Variants in ASB1 observed in about 807,000 individuals in gnomAD.
ASB1 encodes ankyrin repeat and SOCS box containing 1, also known as ankyrin repeat and SOCS box protein 1.
A neutral mutation model predicts 27.7 loss-of-function variants in ASB1; 18 were observed. The ratio of observed to expected loss-of-function variants is 0.65; its 90% confidence interval spans 0.45 to 0.96. The LOEUF (loss-of-function observed/expected upper bound fraction) is 0.96, where lower values mean the gene tolerates loss of function less well. Ranked by LOEUF, ASB1 falls within the 50% of genes least tolerant of loss-of-function variation. ASB1 has a pLI of 0.00. For synonymous variants in ASB1, 189 were observed against 187.6 expected (o/e 1.01, Z -0.06); for missense variants, 397 against 451.7 (o/e 0.88, Z 1.10).
chr2:238,433,473 G>A, intron 1 of ASB1, 81 bp from the exon 2 acceptor site: 1 of 1,532,582 alleles, frequency 6.5e-7, no homozygotes, highest in Admixed American at 1.9e-5. Context: ...GAGAGGGAAG[G>A]CTCGCTGCAG....
rs1575009781 is a variant in ASB1, at chr2:238,446,685, C to T, written c.*174C>T. On this transcript the variant is annotated 3_prime_UTR_variant, in exon 5 of 5. Coordinates refer to ENST00000264607, the MANE Select transcript of ASB1 (RefSeq NM_001040445.3). ...CTGGGCCGCTGAACAGTCCTTGGGT[C>T]ATTGTCAGCTGAGAGGCTTATACTA... 5.4e-5 allele frequency: 39 copies of T among 716,378 alleles called. No homozygotes were observed. The East Asian group carries it at 1.1e-3, about 19-fold the overall frequency. The allele number at this position is 716,378 out of a possible 1,614,324, so 44.4% of individuals were successfully genotyped here.
Position 238,427,095 on chromosome 2 carries a change from G to C in ASB1, c.25G>C (p.Gly9Arg), listed in dbSNP as rs370485939. 2.4e-6 allele frequency: 3 copies of C among 1,260,812 alleles called. No homozygotes were observed. Among genetic ancestry groups the C allele is most frequent in the South Asian group, 2.9e-5 (1 of 34,180 alleles). The allele number at this position is 1,260,812 out of a possible 1,614,324, so 78.1% of individuals were successfully genotyped here. Residue 9 changes from glycine (G) to arginine (R), a missense_variant, in exon 1 of 5, where the codon GGG becomes CGG. Transcript: ENST00000264607. ...CATGGCGGAGGGCGGCAGCCCAGACGGGCGGGCAGGGCCGGGCTCCGCAGG... is the reference window on the plus strand; with the variant it reads ...CATGGCGGAGGGCGGCAGCCCAGACCGGCGGGCAGGGCCGGGCTCCGCAGG... MAEGGSPD[G>R]RAGPGSAGRN... is the part of the protein sequence containing the mutation.
In ASB1 at chr2:238,435,743, GC is replaced by G. The variant is rs1229605074; in HGVS notation, c.225del (p.Trp76GlyfsTer34). On this transcript the variant is annotated frameshift_variant, in exon 3 of 5. Coordinates refer to ENST00000264607, the MANE Select transcript of ASB1 (RefSeq NM_001040445.3). LOFTEE classifies it high-confidence loss of function. Reference sequence around the variant, plus strand: ...AACGAGAAGTCTGTCTGGTGCTGTGGCTGGCTCCCCTGCACACCGTTGCGAA... The same window carrying G: ...AACGAGAAGTCTGTCTGGTGCTGTGGTGGCTCCCCTGCACACCGTTGCGAA... ...RINEKSVWCC[G>X]WLPCTPLRIA... 1 of 1,613,936 alleles carries G rather than the reference GC, an allele frequency of 6.2e-7. No individual in the cohort carries two copies. The highest frequency in any genetic ancestry group is 2.2e-5 in the East Asian group (1 of 44,866).
intron 1 of ASB1, among the ~76,000 whole-genome samples, chr2:238,431,066 C>G (rs1321354118): frequency 6.6e-6 from 1 of 152,252 alleles, no homozygotes; most frequent in Non-Finnish European, 1.5e-5. Context: ...TGACGCTAGG[C>G]ATTGCCTTCT....
At chr2:238,446,336 A>G in intron 4 of ASB1, 48 bp from the exon 5 acceptor site, 1 of 1,537,446 alleles carries the variant, frequency 6.5e-7, no homozygotes, top group Non-Finnish European at 8.7e-7. Flanking sequence ...TATAACTGGA[A>G]TAGAATGAAC....
rs920884020 is a variant in ASB1 at position 238,451,452 on chromosome 2, G to GTGCTC, written c.*4944_*4945insTCTGC. 26 of 152,458 alleles carry GTGCTC rather than the reference G, an allele frequency of 1.7e-4. No homozygotes were observed. Among genetic ancestry groups the GTGCTC allele is most frequent in the African/African-American group, 5.8e-4 (24 of 41,564 alleles). 9.4% of individuals were successfully genotyped at this position (152,458 alleles called of 1,614,324 possible). On this transcript the variant is annotated 3_prime_UTR_variant, in exon 5 of 5. Coordinates refer to ENST00000264607, the MANE Select transcript of ASB1 (RefSeq NM_001040445.3). ...AGTTGCTGCTGTAATTTAGCCAGCA[G>GTGCTC]TGCCCTGCCCTGCCCTGCAGTGTCT...
Position 238,437,536 on chromosome 2 carries a change from C to A in ASB1, c.494+1523C>A, listed in dbSNP as rs564632968. On this transcript the variant is annotated intron_variant, in intron 3 of 4. Transcript: ENST00000264607. Reference sequence around the variant, plus strand: ...TGAGCCACAGTGCCTGGCCTACAGTCTTATTTTAATCATACTAACGGTTGC... The same window carrying A: ...TGAGCCACAGTGCCTGGCCTACAGTATTATTTTAATCATACTAACGGTTGC... Among the ~76,000 whole-genome samples the A allele has an allele frequency of 2.7e-5, 4 of 150,922 alleles. 1 individual carries two copies. In the East Asian group the frequency reaches 7.8e-4, roughly 29 times the overall value.
At chr2:238,430,113 G>T (rs112944664) in intron 1 of ASB1, among the ~76,000 whole-genome samples, 3 of 152,232 alleles carry the variant, frequency 2.0e-5, no homozygotes, top group African/African-American at 7.2e-5. Context: ...GACTTATCGG[G>T]GGCTATGGTA....
chr2:238,435,439 G>A (rs1460982072), intron 2 of ASB1, among the ~76,000 whole-genome samples: 1 of 152,236 alleles, frequency 6.6e-6, no homozygotes, highest in East Asian at 1.9e-4. Context: ...TGGCAGTCAG[G>A]AAATCTAAGA....
intron 3 of ASB1, among the ~76,000 whole-genome samples, chr2:238,436,920 A>G (rs773263846): frequency 6.6e-6 from 1 of 152,198 alleles, no homozygotes; most frequent in Admixed American, 6.5e-5. Flanking sequence ...AATTGAACTC[A>G]TAAAAGTTCC....
chr2:238,436,706 G>A (rs1236203204), intron 3 of ASB1, among the ~76,000 whole-genome samples: 1 of 151,108 alleles, frequency 6.6e-6, no homozygotes, highest in Admixed American at 6.6e-5. Flanking sequence ...GTGAATGCTT[G>A]AAACAAGTAC....
Position 238,451,682 on chromosome 2 carries a change from C to G in ASB1, c.*5171C>G, listed in dbSNP as rs1283781308. 6.6e-6 allele frequency: 1 copy of G among 152,656 alleles called. No individual in the cohort carries two copies. The highest frequency in any genetic ancestry group is 2.4e-5 in the African/African-American group (1 of 41,460). The allele number at this position is 152,656 out of a possible 1,614,324, so 9.5% of individuals were successfully genotyped here. ...GTGCCTAGTTAAGAGCCTTCAAAAG[C>G]ATAATGAACACTTTTGATATGATAT... is the stretch of plus-strand genomic sequence containing the variant. On this transcript the variant is annotated 3_prime_UTR_variant, in exon 5 of 5. Coordinates refer to ENST00000264607, the MANE Select transcript of ASB1 (RefSeq NM_001040445.3).
chr2:238,427,082 C>G lies in ASB1; in HGVS notation c.12C>G (p.Gly4=). Residue 4 remains glycine (G), a synonymous_variant, in exon 1 of 5, where the codon GGC becomes GGG. Transcript: ENST00000264607. ...AGGCGGAAGCATCCATGGCGGAGGG[C>G]GGCAGCCCAGACGGGCGGGCAGGGC... MAE[G]GSPDGRAGPG... is the part of the protein sequence containing the mutation. The G allele has an allele frequency of 7.9e-7, 1 of 1,262,888 alleles. No homozygotes were observed. The highest frequency in any genetic ancestry group is 2.9e-5 in the South Asian group (1 of 34,502). The allele number at this position is 1,262,888 out of a possible 1,614,324, so 78.2% of individuals were successfully genotyped here.
intron 3 of ASB1, among the ~76,000 whole-genome samples, chr2:238,442,363 T>A (rs1575007132): frequency 6.6e-6 from 1 of 152,080 alleles, no homozygotes; most frequent in East Asian, 1.9e-4. Flanking sequence ...CCACCTGCCT[T>A]GGCCTCCTAA....
chr2:238,444,498 C>A lies in ASB1; in HGVS notation c.651C>A (p.Asn217Lys). Residue 217 changes from asparagine to lysine, a missense_variant, in exon 4 of 5, where the codon AAC becomes AAA. Transcript: ENST00000264607. ...CFRLLLLAGA[N>K]PDFNCNGPVN... ...GGCTGCTCCTCCTGGCTGGCGCGAA[C>A]CCTGACTTCAACTGCAATGGTCCTG... The A allele has an allele frequency of 1.2e-6, 2 of 1,614,228 alleles. No individual in the cohort carries two copies. The highest frequency in any genetic ancestry group is 1.7e-6 in the Non-Finnish European group (2 of 1,180,046).
At chr2:238,434,854 A>G (rs1475314250) in intron 2 of ASB1, among the ~76,000 whole-genome samples, 1 of 151,988 alleles carries the variant, frequency 6.6e-6, no homozygotes, top group Non-Finnish European at 1.5e-5. Context: ...GGTTCTTTAC[A>G]TTTTCCCATT....
chr2:238,431,024 C>G (rs759247407), intron 1 of ASB1, among the ~76,000 whole-genome samples: 3 of 152,250 alleles, frequency 2.0e-5, no homozygotes, highest in Non-Finnish European at 4.4e-5. Context: ...TGCGTTAGCC[C>G]CTAACGAGAG....
At chr2:238,444,810 C>A in intron 4 of ASB1, 83 bp downstream of exon 4, 2 of 1,458,310 alleles carry the variant, frequency 1.4e-6, no homozygotes, top group Non-Finnish European at 1.8e-6. Context: ...AAAACAAAAA[C>A]CTCCACCTGA....
At chr2:238,446,287 G>A in intron 4 of ASB1, 97 bp from the exon 5 acceptor site, 1 of 1,393,450 alleles carries the variant, frequency 7.2e-7, no homozygotes, top group Middle Eastern at 2.2e-4. Context: ...GTGAGCATTG[G>A]TGCACTTCTG....
Sources: gnomAD v4.1 joint callset for allele counts (sites outside exome capture counted in the v4.1 genomes callset) on GRCh38, gnomAD v4.1.1 for gene constraint, MANE v1.5 for transcripts, NCBI Gene and HGNC (gene_info 2026-07-23, HGNC 2026-07-21) for gene names.